Variants in MCTP2 observed in about 807,000 individuals in gnomAD.
The protein encoded by MCTP2 is multiple C2 and transmembrane domain containing 2, also known as multiple C2 and transmembrane domain-containing protein 2.
Under a neutral mutation model 111.6 loss-of-function variants are expected in MCTP2, and 132 were observed. The ratio of observed to expected loss-of-function variants is 1.18; its 90% confidence interval spans 1.03 to 1.37. The LOEUF (loss-of-function observed/expected upper bound fraction) is 1.37. MCTP2 is among the 40% of genes most tolerant of loss of function. MCTP2 has a pLI of 0.00. For synonymous variants in MCTP2, 395 were observed against 387.7 expected (o/e 1.02, Z -0.22); for missense variants, 1,183 against 1,067.9 (o/e 1.11, Z -1.50).
chr15:94,377,966 A>C (rs766817166), intron 12 of MCTP2, among the ~76,000 whole-genome samples: 2 of 152,130 alleles, frequency 1.3e-5, no homozygotes, highest in Non-Finnish European at 2.9e-5. Context: ...GACAGAAAGC[A>C]AAAGAAACCT....
At chr15:94,457,135 G>C (rs2084883969) in intron 19 of MCTP2, among the ~76,000 whole-genome samples, 2 of 152,190 alleles carry the variant, frequency 1.3e-5, no homozygotes, top group Non-Finnish European at 2.9e-5. Context: ...AGTTCTGTAA[G>C]AACTATTTGA....
intron 20 of MCTP2, among the ~76,000 whole-genome samples, chr15:94,461,907 G>C (rs1596803705): frequency 1.3e-5 from 2 of 152,298 alleles, no homozygotes; most frequent in African/African-American, 4.8e-5. Context: ...TTTAAATCAA[G>C]AGTGACATGT....
At chr15:94,410,216 T>A (rs975064138) in intron 17 of MCTP2, among the ~76,000 whole-genome samples, 3 of 152,054 alleles carry the variant, frequency 2.0e-5, no homozygotes, top group Admixed American at 6.6e-5. Context: ...ACACACACAC[T>A]CATGTGCTAT....
At chr15:94,472,410 A>G (rs372253586) in intron 21 of MCTP2, among the ~76,000 whole-genome samples, 2 of 152,120 alleles carry the variant, frequency 1.3e-5, no homozygotes, top group Admixed American at 1.3e-4. Flanking sequence ...CGAAAAAGAC[A>G]AATACTCTAT....
intron 8 of MCTP2, among the ~76,000 whole-genome samples, chr15:94,351,517 TG>T (rs562544602): frequency 9.2e-5 from 14 of 152,228 alleles, no homozygotes; most frequent in Admixed American, 2.0e-4. Context: ...TTAATGCATT[TG>T]TTTCCATTGA....
At chr15:94,267,445 A>T (rs1038261137) in intron 1 of MCTP2, among the ~76,000 whole-genome samples, 2 of 152,080 alleles carry the variant, frequency 1.3e-5, no homozygotes, top group Non-Finnish European at 2.9e-5. Context: ...CATCATATTT[A>T]AAAAAAATCC....
At chr15:94,385,396 G>A in intron 13 of MCTP2, 27 bp from the exon 14 acceptor site, 1 of 1,472,246 alleles carries the variant, frequency 6.8e-7, no homozygotes, top group Non-Finnish European at 9.5e-7. Flanking sequence ...GTGTTTTTGT[G>A]TATAATACAT....
At chr15:94,400,048 C>A in intron 16 of MCTP2, 53 bp downstream of exon 16, 1 of 1,478,914 alleles carries the variant, frequency 6.8e-7, no homozygotes, top group Non-Finnish European at 9.4e-7. Context: ...CACCCAGCAG[C>A]TGAAGTATTA....
chr15:94,337,684 TGC>T lies in MCTP2; in HGVS notation c.638-1599_638-1598del, dbSNP rs1055396816. ...CGAACACGGTGTGTGTGTGTGTGTG[TGC>T]GCGCGCATGCACGCGCGTGTGCATG... On this transcript the variant is annotated intron_variant, in intron 4 of 22. Transcript: ENST00000357742. Among the ~76,000 whole-genome samples the T allele has an allele frequency of 2.6e-5, 4 of 151,910 alleles. No individual in the cohort carries two copies. In the East Asian group the frequency reaches 5.9e-4, roughly 22 times the overall value.
intron 14 of MCTP2, among the ~76,000 whole-genome samples, chr15:94,386,317 A>G (rs955460460): frequency 2.6e-5 from 4 of 152,226 alleles, no homozygotes; most frequent in African/African-American, 9.6e-5. Context: ...TTATCAGCCA[A>G]TGAGACTTTA....
intron 19 of MCTP2, among the ~76,000 whole-genome samples, chr15:94,446,440 A>G (rs2084120499): frequency 6.6e-6 from 1 of 152,174 alleles, no homozygotes; most frequent in Non-Finnish European, 1.5e-5. Flanking sequence ...ATTTGTACGG[A>G]TGGATTACAA....
intron 4 of MCTP2, among the ~76,000 whole-genome samples, chr15:94,318,880 C>G (rs2076501803): frequency 1.3e-5 from 2 of 152,200 alleles, no homozygotes; most frequent in African/African-American, 4.8e-5. Flanking sequence ...TCTCTCTCTG[C>G]AGAGTTTCAT....
intron 1 of MCTP2, among the ~76,000 whole-genome samples, chr15:94,288,890 T>G (rs1430185219): frequency 1.3e-5 from 2 of 152,076 alleles, no homozygotes; most frequent in East Asian, 3.9e-4. Flanking sequence ...AAAACAAACC[T>G]CACTATATGG....
At chr15:94,341,726 A>G (rs2077650880) in intron 7 of MCTP2, 4 of 152,192 alleles carry the variant, frequency 2.6e-5, no homozygotes. Flanking sequence ...TTAAAGCAGT[A>G]GGAAAACTGT....
chr15:94,239,684 C>G (rs2070799395), intron 1 of MCTP2, among the ~76,000 whole-genome samples: 1 of 152,214 alleles, frequency 6.6e-6, no homozygotes, highest in Non-Finnish European at 1.5e-5. Context: ...TCTGACATTT[C>G]TTTCACTCCC....
intron 1 of MCTP2, among the ~76,000 whole-genome samples, chr15:94,243,532 C>T (rs1485350871): frequency 7.7e-6 from 1 of 130,420 alleles, no homozygotes; most frequent in Non-Finnish European, 1.7e-5. Context: ...TACACACATA[C>T]GTATGCGTGC....
At chr15:94,363,564 G>A (rs1373566082) in intron 10 of MCTP2, among the ~76,000 whole-genome samples, 2 of 152,074 alleles carry the variant, frequency 1.3e-5, no homozygotes, top group African/African-American at 2.4e-5. Context: ...AATCAGTGGT[G>A]TCACATGATA....
intron 1 of MCTP2, among the ~76,000 whole-genome samples, chr15:94,284,444 A>G (rs2074653824): frequency 6.6e-6 from 1 of 152,226 alleles, no homozygotes; most frequent in Non-Finnish European, 1.5e-5. Flanking sequence ...GTGGAACATT[A>G]ATCAATATAT....
At chr15:94,424,653 T>C (rs2082792942) in intron 17 of MCTP2, among the ~76,000 whole-genome samples, 1 of 152,218 alleles carries the variant, frequency 6.6e-6, no homozygotes, top group African/African-American at 2.4e-5. Context: ...ATGCCAACCA[T>C]TTCCCAAGTG....
Sources: gnomAD v4.1 joint callset for allele counts (sites outside exome capture counted in the v4.1 genomes callset) on GRCh38, gnomAD v4.1.1 for gene constraint, MANE v1.5 for transcripts, NCBI Gene and HGNC (gene_info 2026-07-23, HGNC 2026-07-21) for gene names.